SLC12A5: variants seen among roughly 807,000 people sequenced by gnomAD.
SLC12A5 encodes solute carrier family 12 member 5.
Under a neutral mutation model 124.0 loss-of-function variants are expected in SLC12A5, and 18 were observed. The ratio of observed to expected loss-of-function variants is 0.15; its 90% CI spans 0.10 to 0.22. The LOEUF is 0.22. SLC12A5 is among the 10% of genes least tolerant of loss of function. The pLI is 1.00. For missense variants in SLC12A5, 867 were observed against 1,478.7 expected (o/e 0.59, Z 6.78); for synonymous variants, 589 against 568.0 (o/e 1.04, Z -0.53).
chr20:46,054,957 G>A lies in SLC12A5; in HGVS notation c.2721G>A (p.Leu907=), dbSNP rs772239692. The A allele has an allele frequency of 1.2e-6, 2 of 1,613,944 alleles. No individual in the cohort carries two copies. Among genetic ancestry groups the A allele is most frequent in the Non-Finnish European group, 1.7e-6 (2 of 1,179,950 alleles). The change falls in exon 21 of 26, where the codon TTG becomes TTA. Residue 907 remains leucine, a synonymous_variant. Transcript: ENST00000243964. ...DISAYTYEKT[L]VMEQRSQILK... The stretch of plus-strand genomic sequence containing the variant: ...CAGCTTACACCTATGAGAAGACGTT[G>A]GTGATGGAGCAGCGTTCCCAGATCC...
exon 1 of SLC12A5, chr20:46,021,855 C>A (rs1045105258): frequency 2.0e-6 from 3 of 1,531,530 alleles, no homozygotes; most frequent in East Asian, 2.5e-5. Flanking sequence ...CGGTCGCAGA[C>A]CCCCGCCACC....
At position 46,045,476 on chromosome 20, in the gene SLC12A5, G is replaced by C. The variant is rs1031005647; in HGVS notation, c.1569+336G>C. ...TCTTGGGGAAAAAATAAATGGCCCT[G>C]TTTTGGCACTGTGGTTGGTCGGAGA... On this transcript the variant is annotated intron_variant, in intron 12 of 25. Coordinates refer to ENST00000243964, the MANE Select transcript of SLC12A5 (RefSeq NM_020708.5). This position sits in a 1 kb window ranked among gnomAD's most constrained non-coding sequence, Gnocchi z 4.9. 1.3e-5 allele frequency among the ~76,000 whole-genome samples: 2 copies of C among 152,132 alleles called. No individual in the cohort carries two copies. The highest frequency in any genetic ancestry group is 4.8e-5 in the African/African-American group (2 of 41,400).
At position 46,058,124 on chromosome 20, in the gene SLC12A5, T is replaced by C. The variant is rs1422407118; in HGVS notation, c.*519T>C. 5.2e-6 allele frequency: 1 copy of C among 190,504 alleles called. No individual in the cohort carries two copies. Among genetic ancestry groups the C allele is most frequent in the Non-Finnish European group, 1.1e-5 (1 of 93,818 alleles). The allele number at this position is 190,504 out of a possible 1,614,324, so 11.8% of individuals were successfully genotyped here. A position where few individuals can be genotyped will look rare whatever the true frequency, so the allele number is the denominator to read the frequency against. On this transcript the variant is annotated 3_prime_UTR_variant, in exon 26 of 26. Coordinates refer to ENST00000243964, the MANE Select transcript of SLC12A5 (RefSeq NM_020708.5). This position sits in a 1 kb window ranked among gnomAD's most constrained non-coding sequence, Gnocchi z 5.8. ...CGCGGGCGGCCGAGCCTATACATAG[T>C]GTACAGGAGACATCGCGTGTATTTT...
At position 46,036,800 on chromosome 20, in the gene SLC12A5, G is replaced by A; in HGVS notation, c.481+5G>A. 6.2e-7 allele frequency: 1 copy of A among 1,613,950 alleles called. No individual in the cohort carries two copies. On this transcript the variant is annotated splice_donor_5th_base_variant and intron_variant, in intron 5 of 25. Coordinates refer to ENST00000243964, the MANE Select transcript of SLC12A5 (RefSeq NM_020708.5). Reference sequence around the variant, plus strand: ...CAACGAATGGTGTTGTGCCTGGTAGGTGACTGGGGCTTTGTGGGGAGGGAG... The same window carrying A: ...CAACGAATGGTGTTGTGCCTGGTAGATGACTGGGGCTTTGTGGGGAGGGAG...
At chr20:46,047,322 G>A in intron 14 of SLC12A5, 132 bp from the exon 15 acceptor site, 1 of 1,175,278 alleles carries the variant, frequency 8.5e-7, no homozygotes, top group Non-Finnish European at 1.2e-6. Flanking sequence ...GATGGTGTGA[G>A]TTCCCCTAGA....
chr20:46,038,080 G>A (rs927581718), intron 6 of SLC12A5: 1 of 152,250 alleles, frequency 6.6e-6, no homozygotes, highest in Non-Finnish European at 1.5e-5. Flanking sequence ...TGGTGGATAG[G>A]AAGTAGAGCT....
chr20:46,034,702 A>G (rs1033128008), intron 1 of SLC12A5, among the ~76,000 whole-genome samples: 2 of 152,116 alleles, frequency 1.3e-5, no homozygotes, highest in African/African-American at 4.8e-5. Context: ...GTCCTGGTAA[A>G]TGGAATAGGA....
rs889461807 is a variant in SLC12A5 at position 46,029,415 on chromosome 20, G to A, written c.52+19G>A. The A allele has an allele frequency of 4.7e-6, 7 of 1,489,420 alleles. No homozygotes were observed. The South Asian group carries it at 8.4e-5, about 18-fold the overall frequency. The allele number at this position is 1,489,420 out of a possible 1,614,324, so 92.3% of individuals were successfully genotyped here. On this transcript the variant is annotated intron_variant, in intron 1 of 25. Coordinates refer to ENST00000243964, the MANE Select transcript of SLC12A5 (RefSeq NM_020708.5). ...AACCCGGGTAAGCTGTGGTCCGGGG[G>A]CGGCGGGGGAGGGGGCAGCGAGGAG... is the stretch of plus-strand genomic sequence containing the variant.
At chr20:46,044,861 A>T in intron 11 of SLC12A5, 105 bp from the exon 12 acceptor site, 2 of 1,282,190 alleles carry the variant, frequency 1.6e-6, no homozygotes, top group Non-Finnish European at 2.2e-6. Context: ...TACAGAACTT[A>T]GTCCTGTGGC....
At chr20:46,047,612 G>T (rs748307273) in intron 15 of SLC12A5, 39 bp downstream of exon 15, 1 of 1,602,368 alleles carries the variant, frequency 6.2e-7, no homozygotes, top group Non-Finnish European at 8.5e-7. Flanking sequence ...GCTGGGGAAG[G>T]CTGAAGGGTG....
At position 46,059,809 on chromosome 20, in the gene SLC12A5, A is replaced by G. The variant is rs2084737196; in HGVS notation, c.*2204A>G. The G allele has an allele frequency of 5.0e-6, 2 of 396,258 alleles. No homozygotes were observed. The highest frequency in any genetic ancestry group is 1.4e-4 in the South Asian group (1 of 7,018). The allele number at this position is 396,258 out of a possible 1,614,324, so 24.5% of individuals were successfully genotyped here. A position where few individuals can be genotyped will look rare whatever the true frequency, so the allele number is the denominator to read the frequency against. On this transcript the variant is annotated 3_prime_UTR_variant, in exon 26 of 26. Transcript: ENST00000243964. The stretch of plus-strand genomic sequence containing the variant: ...GCAATATTTCAATAGCCTTGTAGTG[A>G]TAACTAGTGTTGCTTTTGTTTTAGA...
chr20:46,041,960 T>C (rs1275377000), intron 8 of SLC12A5, among the ~76,000 whole-genome samples: 2 of 151,852 alleles, frequency 1.3e-5, no homozygotes, highest in Non-Finnish European at 2.9e-5. Context: ...AAGATGGCAA[T>C]AGGCTTCCTG....
chr20:46,024,519 A>G (rs938950677), upstream of SLC12A5, among the ~76,000 whole-genome samples: 3 of 152,154 alleles, frequency 2.0e-5, no homozygotes, highest in African/African-American at 7.2e-5. Context: ...CCCCTGATAG[A>G]TTCTCTTTCC....
chr20:46,046,280 T>C, intron 13 of SLC12A5, 58 bp from the exon 14 acceptor site: 1 of 1,470,198 alleles, frequency 6.8e-7, no homozygotes, highest in Admixed American at 1.7e-5. Context: ...CATGCTGTTG[T>C]TTCTGTTTCT....
intron 5 of SLC12A5, 26 bp downstream of exon 5, chr20:46,036,821 G>C: frequency 6.2e-7 from 1 of 1,613,634 alleles, no homozygotes; most frequent in East Asian, 2.2e-5. Flanking sequence ...TTTGTGGGGA[G>C]GGAGGATGGC....
rs550053334 is a variant in SLC12A5 at position 46,051,420 on chromosome 20, G to C, written c.2182-255G>C. Reference sequence around the variant, plus strand: ...GGTGGAGAGCATGTCGGGCAGGGGGGCTGTATGAGCAGTGGGAGGGTGGCA... The same window carrying C: ...GGTGGAGAGCATGTCGGGCAGGGGGCCTGTATGAGCAGTGGGAGGGTGGCA... On this transcript the variant is annotated intron_variant, in intron 17 of 25. Transcript: ENST00000243964. 7.9e-5 allele frequency among the ~76,000 whole-genome samples: 12 copies of C among 152,228 alleles called. No homozygotes were observed. In the East Asian group the frequency reaches 2.3e-3, roughly 29 times the overall value.
Position 46,056,949 on chromosome 20 carries a change from A to T in SLC12A5, c.3125+38A>T, listed in dbSNP as rs2084701228. Reference sequence around the variant, plus strand: ...GCATTTTTTCATTCTCTCTCCTAGGATGGCCAGGGTCCCTACCCTCCTCAC... The same window carrying T: ...GCATTTTTTCATTCTCTCTCCTAGGTTGGCCAGGGTCCCTACCCTCCTCAC... On this transcript the variant is annotated intron_variant, in intron 24 of 25. Transcript: ENST00000243964. The surrounding 1 kb of genome is among the most constrained non-coding windows in gnomAD (Gnocchi z 4.3). 3.1e-6 allele frequency: 5 copies of T among 1,613,728 alleles called. No homozygotes were observed. In the South Asian group the frequency reaches 5.5e-5, roughly 18 times the overall value.
chr20:46,032,127 C>T (rs1334560470), intron 1 of SLC12A5, among the ~76,000 whole-genome samples: 2 of 152,192 alleles, frequency 1.3e-5, no homozygotes, highest in Admixed American at 6.5e-5. Flanking sequence ...AGTCTGGCTC[C>T]GCGCTGCGCG....
chr20:46,043,994 G>A, intron 11 of SLC12A5, 61 bp downstream of exon 11: 1 of 1,511,770 alleles, frequency 6.6e-7, no homozygotes, highest in Non-Finnish European at 8.9e-7. Flanking sequence ...GCTGAGTTCT[G>A]GGAAACAGAC....
Sources: allele counts gnomAD v4.1 joint callset (sites outside exome capture counted in the v4.1 genomes callset), GRCh38; gene constraint gnomAD v4.1.1; non-coding constraint Gnocchi (gnomAD v3.1); transcripts MANE v1.5; gene names NCBI Gene and HGNC (gene_info 2026-07-23, HGNC 2026-07-21).